Variants in DNM1 observed in about 807,000 individuals in gnomAD.
The protein encoded by DNM1 is dynamin-1.
In DNM1, 29 loss-of-function variants were observed where a neutral mutation model predicts 104.6. That is an observed-to-expected ratio of 0.28 (90% CI 0.21 to 0.38). The LOEUF (loss-of-function observed/expected upper bound fraction) is 0.38. Among genes scored for constraint, DNM1 ranks in the 10% least tolerant of loss-of-function variants. The pLI is 1.00. For synonymous variants in DNM1, 445 were observed against 475.8 expected (o/e 0.94, Z 0.84); for missense variants, 640 against 1,189.4 (o/e 0.54, Z 6.79).
intron 11 of DNM1, among the ~76,000 whole-genome samples, chr9:128,239,198 A>T (rs1836203805): frequency 6.6e-6 from 1 of 151,492 alleles, no homozygotes; most frequent in Non-Finnish European, 1.5e-5. Flanking sequence ...AGGTCTCCCT[A>T]TGTTGCCCAG....
chr9:128,243,134 G>A lies in DNM1; in HGVS notation c.1671+789G>A, dbSNP rs185016803. On this transcript the variant is annotated intron_variant, in intron 15 of 21. Coordinates refer to ENST00000372923, the MANE Select transcript of DNM1 (RefSeq NM_004408.4). This position sits in a 1 kb window ranked among gnomAD's most constrained non-coding sequence, Gnocchi z 4.0. ...CAGGCTGAGGGGCAAGGAGTGTGGGGGCCCTGCCGAGGTGCCACAAAAAAC... is the reference window on the plus strand; with the variant it reads ...CAGGCTGAGGGGCAAGGAGTGTGGGAGCCCTGCCGAGGTGCCACAAAAAAC... Among the ~76,000 whole-genome samples, 127 of 152,246 alleles carry A rather than the reference G, an allele frequency of 8.3e-4. No homozygotes were observed. Among genetic ancestry groups the A allele is most frequent in the Middle Eastern group, 3.4e-3 (1 of 294 alleles).
chr9:128,237,477 T>A (rs1215037686), intron 11 of DNM1, among the ~76,000 whole-genome samples: 1 of 152,078 alleles, frequency 6.6e-6, no homozygotes, highest in Non-Finnish European at 1.5e-5. Flanking sequence ...GCCAGGCTGA[T>A]CTCGAACTTG....
Position 128,242,709 on chromosome 9 carries a change from G to A in DNM1, c.1671+364G>A, listed in dbSNP as rs376895926. On this transcript the variant is annotated intron_variant, in intron 15 of 21. Transcript: ENST00000372923. Reference sequence around the variant, plus strand: ...CGGGAGGCGGAGGTTGCAGTGAGCCGAGATCGCACCATTGCACTCCAGCCT... The same window carrying A: ...CGGGAGGCGGAGGTTGCAGTGAGCCAAGATCGCACCATTGCACTCCAGCCT... 2.3e-3 allele frequency among the ~76,000 whole-genome samples: 343 copies of A among 152,182 alleles called. 2 individuals are homozygous for A. The East Asian group carries it at 0.024, about 10-fold the overall frequency.
Position 128,222,174 on chromosome 9 carries a change from C to T in DNM1, c.850-23C>T, listed in dbSNP as rs182060568. 1 of 1,602,096 alleles carries T rather than the reference C, an allele frequency of 6.2e-7. No homozygotes were observed. The highest frequency in any genetic ancestry group is 1.3e-5 in the African/African-American group (1 of 74,850). On this transcript the variant is annotated intron_variant, in intron 6 of 21. Coordinates refer to ENST00000372923, the MANE Select transcript of DNM1 (RefSeq NM_004408.4). This position sits in a 1 kb window ranked among gnomAD's most constrained non-coding sequence, Gnocchi z 7.8. ...GGCCCTGTGACCATCTGTCCTCAAC[C>T]CTTTCCTCACCCTTACCCCCAGCAA...
At position 128,248,529 on chromosome 9, in the gene DNM1, T is replaced by C. The variant is rs41276646; in HGVS notation, c.1906-54T>C. The stretch of plus-strand genomic sequence containing the variant: ...GAGGGGCTGAGATCCTGGGGATGCC[T>C]GGAGCCTGGCTGCATGGCCTGGCCA... On this transcript the variant is annotated intron_variant, in intron 18 of 21. Coordinates refer to ENST00000372923, the MANE Select transcript of DNM1 (RefSeq NM_004408.4). The surrounding 1 kb of genome is among the most constrained non-coding windows in gnomAD (Gnocchi z 5.6). The C allele has an allele frequency of 1.6e-3, 2,589 of 1,589,932 alleles. 2 individuals carry two copies. The highest frequency in any genetic ancestry group is 2.1e-3 in the Non-Finnish European group (2,438 of 1,163,212).
intron 19 of DNM1, among the ~76,000 whole-genome samples, chr9:128,249,528 T>G (rs1829378885): frequency 6.6e-6 from 1 of 150,614 alleles, no homozygotes. Flanking sequence ...TGGTGGCACA[T>G]GCCTGTAATC....
intron 15 of DNM1, 151 bp from the exon 16 acceptor site, chr9:128,246,243 G>A (rs1836808264): frequency 1.6e-6 from 1 of 639,084 alleles, no homozygotes; most frequent in African/African-American, 1.8e-5. Flanking sequence ...GAGGCCTACG[G>A]TCCGTGGCCA....
At chr9:128,221,736 A>C (rs1835034000) in intron 6 of DNM1, among the ~76,000 whole-genome samples, 1 of 152,114 alleles carries the variant, frequency 6.6e-6, no homozygotes, top group African/African-American at 2.4e-5. Context: ...TACTAAAAAT[A>C]CAAAAAATTA....
Position 128,240,090 on chromosome 9 carries a change from T to C in DNM1, c.1557+94T>C. On this transcript the variant is annotated intron_variant, in intron 14 of 21. Coordinates refer to ENST00000372923, the MANE Select transcript of DNM1 (RefSeq NM_004408.4). This position sits in a 1 kb window ranked among gnomAD's most constrained non-coding sequence, Gnocchi z 5.1. ...CTGCAACGGGTAGGAGGGCACCCTT[T>C]GGCTGAAGCTGCTTGTACACACCAG... The C allele has an allele frequency of 7.0e-7, 1 of 1,438,646 alleles. No homozygotes were observed. The highest frequency in any genetic ancestry group is 9.8e-7 in the Non-Finnish European group (1 of 1,022,278). The allele number at this position is 1,438,646 out of a possible 1,614,324, so 89.1% of individuals were successfully genotyped here.
Position 128,203,690 on chromosome 9 carries a change from G to A in DNM1, c.161+59G>A. 1.4e-6 allele frequency: 2 copies of A among 1,395,988 alleles called. No individual in the cohort carries two copies. The highest frequency in any genetic ancestry group is 1.9e-6 in the Non-Finnish European group (2 of 1,077,778). 86.5% of individuals were successfully genotyped at this position (1,395,988 alleles called of 1,614,324 possible). ...GACCCCCGGGATCCCTGGAGTCCCC[G>A]CCCGGGGCACTGACGGCGCGGCGAC... On this transcript the variant is annotated intron_variant, in intron 1 of 21. Transcript: ENST00000372923. This position sits in a 1 kb window ranked among gnomAD's most constrained non-coding sequence, Gnocchi z 5.3.
At chr9:128,211,847 G>A (rs540637242) in intron 1 of DNM1, among the ~76,000 whole-genome samples, 1 of 152,226 alleles carries the variant, frequency 6.6e-6, no homozygotes, top group Non-Finnish European at 1.5e-5. Context: ...TGTAGAGGAA[G>A]AAAGAAGCCC....
intron 1 of DNM1, chr9:128,204,037 A>G (rs917247130): frequency 1.3e-5 from 2 of 154,458 alleles, no homozygotes; most frequent in Admixed American, 1.3e-4. Context: ...AGCGTCCCCC[A>G]CACCGGGCTC....
chr9:128,239,604 G>A (rs997593003), intron 12 of DNM1, 89 bp downstream of exon 12: 1 of 1,290,556 alleles, frequency 7.7e-7, no homozygotes, highest in Non-Finnish European at 1.1e-6. Flanking sequence ...GTGTGTGTGT[G>A]TGTGTGTGTG....
chr9:128,234,564 G>C (rs1289289106), intron 11 of DNM1, among the ~76,000 whole-genome samples: 1 of 152,138 alleles, frequency 6.6e-6, no homozygotes, highest in Non-Finnish European at 1.5e-5. Flanking sequence ...AGTACAGACA[G>C]GGTTTCACCA....
chr9:128,233,716 T>C, intron 10 of DNM1: 1 of 465,896 alleles, frequency 2.1e-6, no homozygotes, highest in Non-Finnish European at 3.9e-6. Flanking sequence ...GGCAGGCTCA[T>C]TCCCATGGCC....
At chr9:128,211,510 G>C (rs1834300228) in intron 1 of DNM1, among the ~76,000 whole-genome samples, 3 of 125,670 alleles carry the variant, frequency 2.4e-5, no homozygotes, top group African/African-American at 8.5e-5. Context: ...TGTACAGACA[G>C]GGTCTTGTTA....
chr9:128,241,465 A>T lies in DNM1; in HGVS notation c.1558-767A>T, dbSNP rs73672474. 5.1e-3 allele frequency among the ~76,000 whole-genome samples: 783 copies of T among 152,256 alleles called. 8 individuals carry two copies. The highest frequency in any genetic ancestry group is 0.018 in the African/African-American group (744 of 41,544). On this transcript the variant is annotated intron_variant, in intron 14 of 21. Transcript: ENST00000372923. ...TCAGCCCTTGCCCCTGGGGACCTGG[A>T]GCCAAAGACCCTTAGAACCGTACTA...
At chr9:128,233,633 G>GC (rs1835829256) in intron 10 of DNM1, 1 of 225,374 alleles carries the variant, frequency 4.4e-6, no homozygotes, top group African/African-American at 2.3e-5. Context: ...GGAAGGCACA[G>GC]GGTAGCCCTG....
At chr9:128,216,470 C>T (rs1834610979) in intron 1 of DNM1, among the ~76,000 whole-genome samples, 1 of 152,220 alleles carries the variant, frequency 6.6e-6, no homozygotes, top group Admixed American at 6.5e-5. Flanking sequence ...GTGTGCTAAG[C>T]CCTGTCCTGG....
Sources: gnomAD v4.1 joint callset for allele counts (sites outside exome capture counted in the v4.1 genomes callset) on GRCh38, gnomAD v4.1.1 for gene constraint, Gnocchi (gnomAD v3.1) non-coding constraint, MANE v1.5 for transcripts, NCBI Gene and HGNC (gene_info 2026-07-23, HGNC 2026-07-21) for gene names.